CSMD2: variants seen among roughly 807,000 people sequenced by gnomAD.
CSMD2 encodes CUB and Sushi multiple domains 2.
CSMD2 carries 130 observed loss-of-function variants against 398.5 expected under a neutral mutation model. That is an observed-to-expected ratio of 0.33 (90% CI 0.28 to 0.38). CSMD2 has a LOEUF of 0.38. CSMD2 is among the 10% of genes least tolerant of loss of function. The pLI is 1.00. For missense variants in CSMD2, 3,829 were observed against 4,764.9 expected, an observed-to-expected ratio of 0.80 and a Z score of 5.78; for synonymous variants, 1,828 against 1,908.5, an observed-to-expected ratio of 0.96 and a Z score of 1.10.
intron 25 of CSMD2, among the ~76,000 whole-genome samples, chr1:33,668,240 G>A (rs543735): frequency 0.94 from 142,827 of 152,114 alleles, 67,166 homozygotes; most frequent in African/African-American, 0.98. Context: ...TGGATGGGGG[G>A]AGATGTTTGG....
intron 3 of CSMD2, among the ~76,000 whole-genome samples, chr1:33,939,663 A>AC (rs1432789683): frequency 3.3e-5 from 5 of 152,188 alleles, no homozygotes; most frequent in African/African-American, 7.2e-5. Flanking sequence ...CACTCTCAAA[A>AC]GCTCACTGCT....
chr1:33,658,553 CA>C (rs1288645084), intron 26 of CSMD2, among the ~76,000 whole-genome samples: 1 of 152,144 alleles, frequency 6.6e-6, no homozygotes, highest in Admixed American at 6.5e-5. Flanking sequence ...GAGGAAGTGA[CA>C]AGATAATTAA....
At position 33,692,932 on chromosome 1, in the gene CSMD2, A is replaced by T. The variant is rs1468437862; in HGVS notation, c.4050T>A (p.Ile1350=). The T allele has an allele frequency of 6.2e-7, 1 of 1,608,856 alleles. No individual in the cohort carries two copies. Among genetic ancestry groups the T allele is most frequent in the East Asian group, 2.3e-5 (1 of 44,284 alleles). ...ACTTTGTCAGCCCTGACACTTACCC[A>T]ATGGTGCAGCCGGCCTCTGCTTCGA... The part of the protein sequence containing the change: ...WTIEAEAGCT[I]GLHFLVFDTE... The change falls in exon 25 of 71, where the codon ATT becomes ATA. Residue 1350 remains isoleucine (I), a splice_region_variant and synonymous_variant. Coordinates refer to ENST00000373381, the MANE Select transcript of CSMD2 (RefSeq NM_001281956.2).
intron 12 of CSMD2, among the ~76,000 whole-genome samples, chr1:33,781,330 A>G (rs1385943371): frequency 6.6e-6 from 1 of 152,216 alleles, no homozygotes; most frequent in South Asian, 2.1e-4. Flanking sequence ...GCCCTTGAGC[A>G]AGATTTGCTG....
rs747446986 is a variant in CSMD2 at position 33,571,597 on chromosome 1, T to C, written c.7892A>G (p.Gln2631Arg). The change falls in exon 51 of 71, where the codon CAA becomes CGA. Residue 2631 changes from glutamine (Q) to arginine (R), a missense_variant. Coordinates refer to ENST00000373381, the MANE Select transcript of CSMD2 (RefSeq NM_001281956.2). ...ICDPGYYYTG[Q>R]RVIRCQANGK... ...ATTGGCCTGACAGCGGATGACCCTT[T>C]GGCCAGTATAGTAGTAGCCAGGGTC... The C allele has an allele frequency of 4.5e-6, 7 of 1,572,686 alleles. No individual in the cohort carries two copies. In the South Asian group the frequency reaches 8.3e-5, roughly 19 times the overall value.
intron 21 of CSMD2, among the ~76,000 whole-genome samples, chr1:33,712,363 C>T (rs542787193): frequency 6.6e-6 from 1 of 152,278 alleles, no homozygotes; most frequent in Admixed American, 6.5e-5. Context: ...AAGCCCAGGG[C>T]TGTTCATCTC....
chr1:33,872,966 T>A (rs753754705), intron 5 of CSMD2, among the ~76,000 whole-genome samples: 1 of 152,230 alleles, frequency 6.6e-6, no homozygotes, highest in Non-Finnish European at 1.5e-5. Flanking sequence ...AGTGACGCCT[T>A]TGTTCCTCAC....
chr1:33,857,636 G>A (rs1639192841), intron 5 of CSMD2, among the ~76,000 whole-genome samples: 1 of 152,080 alleles, frequency 6.6e-6, no homozygotes, highest in Non-Finnish European at 1.5e-5. Context: ...CTAGAGAGAT[G>A]ACAATCTCTC....
chr1:33,698,916 T>C lies in CSMD2; in HGVS notation c.3762A>G (p.Pro1254=), dbSNP rs760820365. Residue 1254 remains proline, a synonymous_variant, in exon 24 of 71, where the codon CCA becomes CCG. Coordinates refer to ENST00000373381, the MANE Select transcript of CSMD2 (RefSeq NM_001281956.2). ...SSFELIKCED[P]GTPKFGYKVH... ...CCTTGTAGCCAAACTTGGGGGTTCC[T>C]GGGTCCTCACATTTGATGAGTTCAA... The C allele has an allele frequency of 9.3e-6, 15 of 1,614,074 alleles. No individual in the cohort carries two copies. Among genetic ancestry groups the C allele is most frequent in the Non-Finnish European group, 1.3e-5 (15 of 1,179,978 alleles).
At chr1:33,712,451 C>A (rs547449664) in intron 21 of CSMD2, among the ~76,000 whole-genome samples, 2 of 152,182 alleles carry the variant, frequency 1.3e-5, no homozygotes, top group Non-Finnish European at 2.9e-5. Context: ...GAGCAGCCCC[C>A]GGTGGGCATT....
In CSMD2 at chr1:33,716,433, C is replaced by T. The variant is rs578222242; in HGVS notation, c.3070G>A (p.Gly1024Ser). The T allele has an allele frequency of 1.4e-5, 22 of 1,613,926 alleles. No homozygotes were observed. Among genetic ancestry groups the T allele is most frequent in the Middle Eastern group, 1.7e-4 (1 of 5,962 alleles). ...TGCCTCAGGGGCTGGGTGAAGCTGC[C>T]GTTCTCAGTGATGAGGAGGTAGTCA... is the stretch of plus-strand genomic sequence containing the variant. ...GHDYLLITENGSFTQPLRQLT... is the reference protein window; with the variant it reads ...GHDYLLITENSSFTQPLRQLT... Residue 1024 changes from glycine to serine, a missense_variant, in exon 20 of 71, where the codon GGC becomes AGC. Around this residue, in one of 5 missense-constraint regions of CSMD2, gnomAD observed 2,001 missense variants for 2,567.1 expected, o/e 0.78. Transcript: ENST00000373381.
At chr1:33,742,601 G>A (rs961033821) in intron 14 of CSMD2, among the ~76,000 whole-genome samples, 2 of 77,508 alleles carry the variant, frequency 2.6e-5, no homozygotes, top group Admixed American at 1.9e-4. Flanking sequence ...AACCCCCTCT[G>A]TAACCACGAG....
At chr1:34,088,052 A>T (rs2148362586) in intron 2 of CSMD2, among the ~76,000 whole-genome samples, 1 of 152,316 alleles carries the variant, frequency 6.6e-6, no homozygotes, top group African/African-American at 2.4e-5. Context: ...AGGGCTGAAG[A>T]CTGTGCAGTA....
In CSMD2 at chr1:33,550,277, C is replaced by T. The variant is rs775752252; in HGVS notation, c.8817G>A (p.Val2939=). 2 of 1,614,222 alleles carry T rather than the reference C, an allele frequency of 1.2e-6. No homozygotes were observed. The highest frequency in any genetic ancestry group is 1.1e-5 in the South Asian group (1 of 91,084). The change falls in exon 56 of 71, where the codon GTG becomes GTA. Residue 2939 remains valine (V), a synonymous_variant. Transcript: ENST00000373381. The stretch of plus-strand genomic sequence containing the variant: ...GCTTGCCGATGCAGCTGTACCGCAC[C>T]ACTGCTCCCACAGTATAACTGTCTC... The part of the protein sequence containing the change: ...MSGDSYTVGA[V]VRYSCIGKRT...
In CSMD2 at chr1:33,739,174, G is replaced by A. The variant is rs755074413; in HGVS notation, c.2334C>T (p.Ser778=). 6 of 1,614,022 alleles carry A rather than the reference G, an allele frequency of 3.7e-6. No homozygotes were observed. In the South Asian group the frequency reaches 5.5e-5, roughly 15 times the overall value. The change falls in exon 15 of 71, where the codon AGC becomes AGT. Residue 778 remains serine (S), a synonymous_variant. Coordinates refer to ENST00000373381, the MANE Select transcript of CSMD2 (RefSeq NM_001281956.2). The part of the protein sequence containing the change: ...ETITCVLKEG[S]VVWNSAVLRC... ...GCAGCACAGCGCTGTTCCAGACCAC[G>A]CTGCCCTCCTTCAGGACGCAGGTGA...
chr1:34,030,887 G>A (rs77435021), intron 3 of CSMD2, among the ~76,000 whole-genome samples: 10 of 152,194 alleles, frequency 6.6e-5, no homozygotes, highest in African/African-American at 1.7e-4. Context: ...TCCTGGCCCC[G>A]GGTCCCAAGT....
intron 41 of CSMD2, among the ~76,000 whole-genome samples, chr1:33,605,709 A>G (rs1020056356): frequency 6.6e-6 from 1 of 152,234 alleles, no homozygotes; most frequent in African/African-American, 2.4e-5. Context: ...GTACTGGCAC[A>G]TGGTGAAAGC....
chr1:33,702,323 T>A (rs1293363190), intron 22 of CSMD2, among the ~76,000 whole-genome samples: 1 of 152,216 alleles, frequency 6.6e-6, no homozygotes, highest in African/African-American at 2.4e-5. Flanking sequence ...CCTCACTGGA[T>A]ATATGATGCT....
chr1:34,058,273 C>T (rs1327507715), intron 2 of CSMD2, among the ~76,000 whole-genome samples: 1 of 152,104 alleles, frequency 6.6e-6, no homozygotes, highest in Non-Finnish European at 1.5e-5. Flanking sequence ...GTTTCCACAC[C>T]TGCAAAATGG....
Sources: allele counts gnomAD v4.1 joint callset (sites outside exome capture counted in the v4.1 genomes callset), GRCh38; gene constraint gnomAD v4.1.1; regional missense constraint gnomAD v4.1.1; transcripts MANE v1.5; gene names NCBI Gene and HGNC (gene_info 2026-07-23, HGNC 2026-07-21).